Variants in EPHA6 observed in about 807,000 individuals in gnomAD.
The protein encoded by EPHA6 is ephrin type-A receptor 6.
In EPHA6, 50 loss-of-function variants were observed where a neutral mutation model predicts 112.0. The ratio of observed to expected loss-of-function variants is 0.45; its 90% CI spans 0.36 to 0.56. The LOEUF (loss-of-function observed/expected upper bound fraction) is 0.56, where lower values mean the gene tolerates loss of function less well. Among genes scored for constraint, EPHA6 ranks in the 20% least tolerant of loss-of-function variants. The pLI is 0.00. For missense variants in EPHA6, 1,280 were observed against 1,417.4 expected, an observed-to-expected ratio of 0.90 and a Z score of 1.56; for synonymous variants, 529 against 490.7, an observed-to-expected ratio of 1.08 and a Z score of -1.03.
chr3:97,229,336 T>A (rs2078454238), intron 4 of EPHA6, among the ~76,000 whole-genome samples: 1 of 152,208 alleles, frequency 6.6e-6, no homozygotes, highest in East Asian at 1.9e-4. Context: ...TCTTCTAGAA[T>A]TTTTATGGTT....
At chr3:97,325,758 T>A (rs1258032996) in intron 5 of EPHA6, among the ~76,000 whole-genome samples, 1 of 152,160 alleles carries the variant, frequency 6.6e-6, no homozygotes, top group Non-Finnish European at 1.5e-5. Flanking sequence ...TCTAAAATAA[T>A]TTGAAATTCA....
intron 2 of EPHA6, among the ~76,000 whole-genome samples, chr3:96,934,701 A>G (rs1232289726): frequency 6.6e-6 from 1 of 151,432 alleles, no homozygotes; most frequent in African/African-American, 2.4e-5. Flanking sequence ...TTAATGGTTT[A>G]TATAAAATTA....
chr3:96,933,961 G>A (rs745887899), intron 2 of EPHA6, among the ~76,000 whole-genome samples: 4 of 151,862 alleles, frequency 2.6e-5, no homozygotes, highest in Non-Finnish European at 5.9e-5. Flanking sequence ...TATAACAATT[G>A]ATGAAAAAGG....
At chr3:96,973,824 CA>C (rs374520473) in intron 2 of EPHA6, among the ~76,000 whole-genome samples, 692 of 52,680 alleles carry the variant, frequency 0.013, 2 homozygotes, top group Non-Finnish European at 0.02. Flanking sequence ...GACTCCATAT[CA>C]AAAAAAAAAA....
At chr3:97,091,162 T>C (rs1433580151) in intron 3 of EPHA6, among the ~76,000 whole-genome samples, 2 of 152,152 alleles carry the variant, frequency 1.3e-5, no homozygotes, top group Non-Finnish European at 2.9e-5. Flanking sequence ...TTTCCCATCC[T>C]GATCAATTTT....
In EPHA6 at chr3:97,749,581, T is replaced by C. The variant is rs775208292; in HGVS notation, c.*880T>C. Among the ~76,000 whole-genome samples the C allele has an allele frequency of 1.4e-4, 21 of 152,202 alleles. No homozygotes were observed. The highest frequency in any genetic ancestry group is 2.6e-4 in the Non-Finnish European group (18 of 68,026). ...GGGATAAATCCATGACTATTTCCTT[T>C]GTGCATTGTCACAAGTTTGCAAAAG... On this transcript the variant is annotated 3_prime_UTR_variant, in exon 18 of 18. Coordinates refer to ENST00000389672, the MANE Select transcript of EPHA6 (RefSeq NM_001080448.3).
chr3:97,401,900 C>A (rs1176837425), intron 5 of EPHA6, among the ~76,000 whole-genome samples: 1 of 151,756 alleles, frequency 6.6e-6, no homozygotes, highest in Admixed American at 6.6e-5. Context: ...TGTGTAATTT[C>A]TTTCCTGATT....
chr3:97,598,607 C>A (rs1364449710), intron 12 of EPHA6, among the ~76,000 whole-genome samples: 3 of 151,948 alleles, frequency 2.0e-5, no homozygotes, highest in Non-Finnish European at 2.9e-5. Context: ...ATCAATTTTT[C>A]TGGCTGCATA....
intron 3 of EPHA6, among the ~76,000 whole-genome samples, chr3:96,994,809 TATAG>T (rs1276059085): frequency 2.1e-5 from 3 of 144,918 alleles, no homozygotes; most frequent in Non-Finnish European, 3.0e-5. Flanking sequence ...TATATATATA[TATAG>T]AGAGAGAGAG....
intron 3 of EPHA6, among the ~76,000 whole-genome samples, chr3:96,994,759 AGAGC>A (rs1466417977): frequency 4.3e-5 from 5 of 116,228 alleles, no homozygotes; most frequent in Admixed American, 8.7e-5. Flanking sequence ...AGAGAGAGAG[AGAGC>A]TATATATATA....
chr3:97,088,308 C>T (rs2046964749), intron 3 of EPHA6, among the ~76,000 whole-genome samples: 1 of 152,090 alleles, frequency 6.6e-6, no homozygotes. Flanking sequence ...CTGTAATGTC[C>T]ATACTGGAAT....
chr3:97,711,194 C>T (rs1377083432), intron 14 of EPHA6, among the ~76,000 whole-genome samples: 1 of 152,116 alleles, frequency 6.6e-6, no homozygotes, highest in South Asian at 2.1e-4. Flanking sequence ...TTCACAAGCT[C>T]TCTCTCTGTC....
rs574294647 is a variant in EPHA6 at position 97,144,746 on chromosome 3, A to G, written c.1115-81518A>G. ...AAAATATAAGAGTAACTTTTCTAATATATCTTATACTCTATATTTTAATAA... is the reference window on the plus strand; with the variant it reads ...AAAATATAAGAGTAACTTTTCTAATGTATCTTATACTCTATATTTTAATAA... On this transcript the variant is annotated intron_variant, in intron 3 of 17. Transcript: ENST00000389672. Among the ~76,000 whole-genome samples, 66 of 151,492 alleles carry G rather than the reference A, an allele frequency of 4.4e-4. 1 individual carries two copies. Among genetic ancestry groups the G allele is most frequent in the African/African-American group, 1.5e-3 (62 of 41,460 alleles).
At chr3:97,705,954 T>C (rs1484988952) in intron 14 of EPHA6, among the ~76,000 whole-genome samples, 1 of 152,148 alleles carries the variant, frequency 6.6e-6, no homozygotes, top group African/African-American at 2.4e-5. Flanking sequence ...CCATCTGCTG[T>C]CCACAATGAA....
chr3:96,898,608 T>G (rs1233095745), intron 2 of EPHA6, among the ~76,000 whole-genome samples: 1 of 152,172 alleles, frequency 6.6e-6, no homozygotes, highest in Non-Finnish European at 1.5e-5. Context: ...GTAGATAATT[T>G]CAGTAACCCA....
intron 13 of EPHA6, among the ~76,000 whole-genome samples, chr3:97,631,838 G>C (rs2093905484): frequency 6.6e-6 from 1 of 151,916 alleles, no homozygotes; most frequent in Non-Finnish European, 1.5e-5. Flanking sequence ...AGAGTTATCT[G>C]CTTTAATAAT....
chr3:97,021,666 T>C (rs1343270277), intron 3 of EPHA6, among the ~76,000 whole-genome samples: 1 of 152,354 alleles, frequency 6.6e-6, no homozygotes, highest in South Asian at 2.1e-4. Flanking sequence ...ACATGGTTTT[T>C]CCTCTGTGCT....
chr3:96,962,636 C>T (rs529474385), intron 2 of EPHA6, among the ~76,000 whole-genome samples: 20 of 150,564 alleles, frequency 1.3e-4, no homozygotes, highest in African/African-American at 4.9e-4. Flanking sequence ...CCCTTTTAAG[C>T]TTAATTTTTT....
chr3:97,664,556 G>T (rs2094192640), intron 14 of EPHA6, among the ~76,000 whole-genome samples: 1 of 152,252 alleles, frequency 6.6e-6, no homozygotes, highest in East Asian at 1.9e-4. Flanking sequence ...TGACATGATT[G>T]TATATCTAGA....
Sources: gnomAD v4.1 joint callset for allele counts (sites outside exome capture counted in the v4.1 genomes callset) on GRCh38, gnomAD v4.1.1 for gene constraint, MANE v1.5 for transcripts, NCBI Gene and HGNC (gene_info 2026-07-23, HGNC 2026-07-21) for gene names.